Variants in TMEM135 observed in about 807,000 individuals in gnomAD.
The protein encoded by TMEM135 is transmembrane protein 135.
A neutral mutation model predicts 60.3 loss-of-function variants in TMEM135; 30 were observed. The observed-to-expected ratio is 0.50, with a 90% CI of 0.37 to 0.68. The LOEUF is 0.68. Among genes scored for constraint, TMEM135 ranks in the 30% least tolerant of loss-of-function variants. The pLI, the probability that TMEM135 is intolerant of heterozygous loss-of-function variation, is 0.00. For missense variants in TMEM135, 468 were observed against 548.8 expected, an observed-to-expected ratio of 0.85 and a Z score of 1.47; for synonymous variants, 190 against 186.7, an observed-to-expected ratio of 1.02 and a Z score of -0.14.
At position 87,309,531 on chromosome 11, in the gene TMEM135, G is replaced by A. The variant is rs759082865; in HGVS notation, c.795G>A (p.Gly265=). ...IKGFIRMFSV[G]YLIQCCLRIP... is the part of the protein sequence containing the mutation. The stretch of plus-strand genomic sequence containing the variant: ...GTTTCATCAGAATGTTTAGCGTGGG[G>A]TACTTGATCCAGTGCTGCCTCCGAA... Residue 265 remains glycine, a synonymous_variant, in exon 10 of 15, where the codon GGG becomes GGA. Coordinates refer to ENST00000305494, the MANE Select transcript of TMEM135 (RefSeq NM_022918.4). 2.3e-5 allele frequency: 37 copies of A among 1,613,762 alleles called. No individual in the cohort carries two copies. The highest frequency in any genetic ancestry group is 2.9e-5 in the Non-Finnish European group (34 of 1,179,766).
At chr11:87,247,392 A>T (rs758022615) in intron 6 of TMEM135, among the ~76,000 whole-genome samples, 2 of 152,180 alleles carry the variant, frequency 1.3e-5, no homozygotes, top group African/African-American at 2.4e-5. Flanking sequence ...AAACTGTCAG[A>T]CAGGGATATT....
At position 87,086,763 on chromosome 11, in the gene TMEM135, A is replaced by C. The variant is rs147343075; in HGVS notation, c.363-4599A>C. ...GGGATTAATTGGAGGAAAGTATGCC[A>C]AACAGGAAGGCAAGTTCTTAATCTG... is the stretch of plus-strand genomic sequence containing the variant. On this transcript the variant is annotated intron_variant, in intron 3 of 14. Coordinates refer to ENST00000305494, the MANE Select transcript of TMEM135 (RefSeq NM_022918.4). 3.2e-4 allele frequency among the ~76,000 whole-genome samples: 49 copies of C among 152,356 alleles called. 1 individual carries two copies. The East Asian group carries it at 7.1e-3, about 22-fold the overall frequency.
chr11:87,165,384 T>C (rs979972051), intron 5 of TMEM135, among the ~76,000 whole-genome samples: 3 of 132,412 alleles, frequency 2.3e-5, no homozygotes, highest in Non-Finnish European at 4.8e-5. Flanking sequence ...ATCTCAGGGA[T>C]GAAGCCCACT....
intron 5 of TMEM135, among the ~76,000 whole-genome samples, chr11:87,164,047 A>T (rs1238132814): frequency 7.4e-6 from 1 of 134,390 alleles, no homozygotes; most frequent in African/African-American, 2.8e-5. Context: ...GTTTAATCAG[A>T]TCCCATTTGT....
chr11:87,265,117 A>T (rs1482816675), intron 6 of TMEM135, among the ~76,000 whole-genome samples: 1 of 152,000 alleles, frequency 6.6e-6, no homozygotes, highest in Non-Finnish European at 1.5e-5. Flanking sequence ...ATTCACACTT[A>T]GATCAGCTCT....
intron 2 of TMEM135, 120 bp downstream of exon 2, chr11:87,067,941 T>C: frequency 8.1e-7 from 1 of 1,237,392 alleles, no homozygotes; most frequent in Non-Finnish European, 1.1e-6. Flanking sequence ...TTTTAATCTG[T>C]GAAGTGACAT....
At chr11:87,221,963 C>T (rs914144691) in intron 5 of TMEM135, among the ~76,000 whole-genome samples, 1 of 151,870 alleles carries the variant, frequency 6.6e-6, no homozygotes, top group Non-Finnish European at 1.5e-5. Flanking sequence ...TTTGGGAGGC[C>T]GAGGTGGGCG....
intron 1 of TMEM135, among the ~76,000 whole-genome samples, chr11:87,039,798 A>G (rs2135100289): frequency 6.6e-6 from 1 of 152,374 alleles, no homozygotes; most frequent in South Asian, 2.1e-4. Flanking sequence ...CTGAAAATCC[A>G]TAGCACTTTT....
At chr11:87,177,398 A>T (rs1418954588) in intron 5 of TMEM135, among the ~76,000 whole-genome samples, 1 of 152,170 alleles carries the variant, frequency 6.6e-6, no homozygotes, top group African/African-American at 2.4e-5. Flanking sequence ...CATTATGAGA[A>T]TACAGAATGA....
In TMEM135 at chr11:87,088,302, A is replaced by C. The variant is rs148941882; in HGVS notation, c.363-3060A>C. 3.0e-3 allele frequency among the ~76,000 whole-genome samples: 456 copies of C among 152,254 alleles called. 2 individuals carry two copies. The highest frequency in any genetic ancestry group is 0.011 in the African/African-American group (441 of 41,540). On this transcript the variant is annotated intron_variant, in intron 3 of 14. Coordinates refer to ENST00000305494, the MANE Select transcript of TMEM135 (RefSeq NM_022918.4). ...TAAGGGAAGCACACCCTTCCAGTCAAAGCCTTGGTAAAACAACCAGTCTCT... is the reference window on the plus strand; with the variant it reads ...TAAGGGAAGCACACCCTTCCAGTCACAGCCTTGGTAAAACAACCAGTCTCT...
intron 5 of TMEM135, among the ~76,000 whole-genome samples, chr11:87,213,959 A>G (rs1940439126): frequency 6.6e-6 from 1 of 152,190 alleles, no homozygotes; most frequent in Non-Finnish European, 1.5e-5. Flanking sequence ...GTGAACCATA[A>G]CTTCAGCCTT....
intron 6 of TMEM135, among the ~76,000 whole-genome samples, chr11:87,263,013 A>C (rs1233400892): frequency 1.3e-5 from 2 of 151,666 alleles, no homozygotes; most frequent in Non-Finnish European, 2.9e-5. Context: ...GAAAAAAAAA[A>C]CCTTTCTTCC....
At chr11:87,308,983 CT>C (rs1416860409) in intron 9 of TMEM135, among the ~76,000 whole-genome samples, 1 of 152,174 alleles carries the variant, frequency 6.6e-6, no homozygotes. Context: ...CCCCTGCCCC[CT>C]GGAAGTTCTT....
intron 1 of TMEM135, among the ~76,000 whole-genome samples, chr11:87,051,543 A>G (rs373354607): frequency 0.027 from 1,885 of 68,664 alleles, 495 homozygotes; most frequent in Middle Eastern, 0.037. Context: ...GCCAAATCAT[A>G]AGTGAACTCC....
In TMEM135 at chr11:87,303,898, G is replaced by A. The variant is rs117714170; in HGVS notation, c.698+1456G>A. On this transcript the variant is annotated intron_variant, in intron 8 of 14. Transcript: ENST00000305494. ...TGGGCGTCAGAACTGATCAGGTCAT[G>A]ACAGAACGTATCATAGTAGCCTCAG... Among the ~76,000 whole-genome samples, 76 of 152,302 alleles carry A rather than the reference G, an allele frequency of 5.0e-4. 2 individuals are homozygous for A. The East Asian group carries it at 7.9e-3, about 16-fold the overall frequency.
chr11:87,059,110 G>A (rs1398844047), intron 1 of TMEM135, among the ~76,000 whole-genome samples: 1 of 151,486 alleles, frequency 6.6e-6, no homozygotes, highest in African/African-American at 2.4e-5. Context: ...GCTAATTTTT[G>A]TATTTTTGTG....
At chr11:87,060,059 G>A (rs967836925) in intron 1 of TMEM135, among the ~76,000 whole-genome samples, 5 of 152,116 alleles carry the variant, frequency 3.3e-5, no homozygotes, top group Admixed American at 1.3e-4. Flanking sequence ...GTTGCTGTGG[G>A]CGGAGATCGC....
At chr11:87,166,617 A>G (rs1482614766) in intron 5 of TMEM135, among the ~76,000 whole-genome samples, 3 of 151,448 alleles carry the variant, frequency 2.0e-5, no homozygotes, top group Non-Finnish European at 2.9e-5. Context: ...ATAGTTGTAG[A>G]TGTGTGGCGT....
chr11:87,144,279 G>A (rs1938344384), intron 4 of TMEM135, among the ~76,000 whole-genome samples: 1 of 152,102 alleles, frequency 6.6e-6, no homozygotes, highest in Non-Finnish European at 1.5e-5. Flanking sequence ...TAAATACGGT[G>A]TTTTTGTGTT....
Sources: allele counts gnomAD v4.1 joint callset (sites outside exome capture counted in the v4.1 genomes callset), GRCh38; gene constraint gnomAD v4.1.1; transcripts MANE v1.5; gene names NCBI Gene and HGNC (gene_info 2026-07-23, HGNC 2026-07-21).